Variants in PRKCE observed in about 807,000 individuals in gnomAD.
PRKCE encodes the protein protein kinase C epsilon.
A neutral mutation model predicts 85.4 loss-of-function variants in PRKCE; 16 were observed. That is an observed-to-expected ratio of 0.19 (90% CI 0.13 to 0.28). PRKCE has a LOEUF of 0.28. PRKCE is among the 10% of genes least tolerant of loss of function. The pLI is 1.00. For missense variants in PRKCE, 573 were observed against 975.2 expected, an observed-to-expected ratio of 0.59 and a Z score of 5.49; for synonymous variants, 388 against 371.5, an observed-to-expected ratio of 1.04 and a Z score of -0.51.
chr2:45,994,253 G>A (rs1350307394), intron 6 of PRKCE, among the ~76,000 whole-genome samples: 1 of 152,088 alleles, frequency 6.6e-6, no homozygotes, highest in Non-Finnish European at 1.5e-5. Flanking sequence ...CAACGGAGTG[G>A]TATATTTGTT....
chr2:46,090,336 T>C (rs547693662), intron 11 of PRKCE, among the ~76,000 whole-genome samples: 1 of 152,300 alleles, frequency 6.6e-6, no homozygotes, highest in East Asian at 1.9e-4. Context: ...CGGCCTCCCC[T>C]GACTCCCTCC....
At chr2:45,770,939 A>C (rs891697205) in intron 1 of PRKCE, 1 of 152,068 alleles carries the variant, frequency 6.6e-6, no homozygotes, top group Non-Finnish European at 1.5e-5. Context: ...GTGAGTGGAA[A>C]ATATTTAAGT....
intron 2 of PRKCE, among the ~76,000 whole-genome samples, chr2:45,894,905 TAG>T (rs1696017977): frequency 6.6e-6 from 1 of 152,200 alleles, no homozygotes; most frequent in Admixed American, 6.5e-5. Flanking sequence ...GTATTTTTAG[TAG>T]AGACAGGGTT....
chr2:45,705,395 G>T (rs1679026426), intron 1 of PRKCE, among the ~76,000 whole-genome samples: 1 of 152,198 alleles, frequency 6.6e-6, no homozygotes. Flanking sequence ...TAGCTGAAAA[G>T]GATGGCTTGT....
At chr2:45,877,287 A>G (rs774794727) in intron 2 of PRKCE, among the ~76,000 whole-genome samples, 4 of 152,182 alleles carry the variant, frequency 2.6e-5, no homozygotes, top group Non-Finnish European at 4.4e-5. Flanking sequence ...TTTTAATAAT[A>G]ACATATTTAG....
At chr2:45,757,017 G>A (rs1035774068) in intron 1 of PRKCE, among the ~76,000 whole-genome samples, 4 of 152,130 alleles carry the variant, frequency 2.6e-5, no homozygotes, top group South Asian at 2.1e-4. Flanking sequence ...TTGGGAGGCC[G>A]AGGCGGGTGG....
chr2:45,727,574 G>T (rs1681185532), intron 1 of PRKCE, among the ~76,000 whole-genome samples: 1 of 152,192 alleles, frequency 6.6e-6, no homozygotes, highest in Non-Finnish European at 1.5e-5. Context: ...GCCATCATTT[G>T]CTCCCTGATG....
At chr2:45,784,832 G>A (rs1467341769) in intron 1 of PRKCE, among the ~76,000 whole-genome samples, 1 of 152,198 alleles carries the variant, frequency 6.6e-6, no homozygotes, top group Non-Finnish European at 1.5e-5. Flanking sequence ...TGACTGTGAA[G>A]GAGAAGGGGA....
chr2:45,790,074 G>A (rs940864680), intron 1 of PRKCE, among the ~76,000 whole-genome samples: 2 of 152,204 alleles, frequency 1.3e-5, no homozygotes, highest in African/African-American at 4.8e-5. Flanking sequence ...GTGGTTTGTG[G>A]AAAGATCAGC....
At chr2:45,804,342 A>C (rs1257240165) in intron 1 of PRKCE, among the ~76,000 whole-genome samples, 3 of 152,158 alleles carry the variant, frequency 2.0e-5, no homozygotes, top group African/African-American at 7.2e-5. Context: ...AAAAACCACC[A>C]GTGTGCAGGC....
At chr2:45,710,538 T>G (rs557058119) in intron 1 of PRKCE, among the ~76,000 whole-genome samples, 2 of 152,350 alleles carry the variant, frequency 1.3e-5, no homozygotes, top group South Asian at 4.1e-4. Context: ...TTTTCCTGCA[T>G]GTTTTTCTCT....
chr2:45,833,121 C>T (rs1170126203), intron 1 of PRKCE, among the ~76,000 whole-genome samples: 1 of 138,006 alleles, frequency 7.2e-6, no homozygotes, highest in Non-Finnish European at 1.5e-5. Context: ...AGTTCAAGAC[C>T]AGCCTGGGCA....
chr2:45,705,889 G>T (rs939703763), intron 1 of PRKCE, among the ~76,000 whole-genome samples: 12 of 152,136 alleles, frequency 7.9e-5, no homozygotes, highest in Non-Finnish European at 1.6e-4. Context: ...TGGGACCTGG[G>T]GTCTTTCTGA....
At chr2:45,981,666 TG>T (rs758594887) in intron 5 of PRKCE, among the ~76,000 whole-genome samples, 1 of 152,224 alleles carries the variant, frequency 6.6e-6, no homozygotes, top group Non-Finnish European at 1.5e-5. Flanking sequence ...ACATCACTGT[TG>T]CTTTCACGAG....
intron 11 of PRKCE, among the ~76,000 whole-genome samples, chr2:46,095,697 T>A (rs1029967666): frequency 2.0e-5 from 3 of 152,242 alleles, no homozygotes; most frequent in Non-Finnish European, 4.4e-5. Flanking sequence ...CAGTTACCAC[T>A]CATCCGTTTA....
At chr2:46,116,837 A>C (rs1293456273) in intron 11 of PRKCE, among the ~76,000 whole-genome samples, 1 of 152,150 alleles carries the variant, frequency 6.6e-6, no homozygotes, top group South Asian at 2.1e-4. Context: ...AAAGAGTAGC[A>C]CTGAGAGTGT....
intron 10 of PRKCE, among the ~76,000 whole-genome samples, chr2:46,013,605 G>C (rs558319735): frequency 1.3e-5 from 2 of 152,282 alleles, no homozygotes; most frequent in African/African-American, 4.8e-5. Flanking sequence ...CAGTTCCTCT[G>C]AGCCACCTTA....
chr2:46,028,486 A>G (rs1056650245), intron 10 of PRKCE, among the ~76,000 whole-genome samples: 3 of 152,142 alleles, frequency 2.0e-5, no homozygotes, highest in Admixed American at 6.5e-5. Context: ...TAAACTGTAG[A>G]TGTGTGTGTT....
At chr2:45,818,508 C>G (rs900179498) in intron 1 of PRKCE, among the ~76,000 whole-genome samples, 2 of 152,174 alleles carry the variant, frequency 1.3e-5, no homozygotes, top group Non-Finnish European at 2.9e-5. Flanking sequence ...GGGCAAGTCT[C>G]TCAGAAACTG....
Sources: allele counts gnomAD v4.1 joint callset (sites outside exome capture counted in the v4.1 genomes callset), GRCh38; gene constraint gnomAD v4.1.1; transcripts MANE v1.5; gene names NCBI Gene and HGNC (gene_info 2026-07-23, HGNC 2026-07-21).